The following ZUP1 variants were observed in gnomAD, a reference collection of about 807,000 sequenced individuals.
ZUP1 encodes zinc finger containing ubiquitin peptidase 1.
ZUP1 carries 55 observed loss-of-function variants against 68.1 expected under a neutral mutation model. The observed-to-expected ratio is 0.81, with a 90% CI of 0.65 to 1.01. ZUP1 has a LOEUF of 1.01. Among genes scored for constraint, ZUP1 ranks in the 50% least tolerant of loss-of-function variants. The pLI is 0.00. For synonymous variants in ZUP1, 223 were observed against 221.5 expected (o/e 1.01, Z -0.06); for missense variants, 684 against 674.9 (o/e 1.01, Z -0.15).
At chr6:116,658,079 G>T (rs1008332819) in intron 4 of ZUP1, among the ~76,000 whole-genome samples, 1 of 152,048 alleles carries the variant, frequency 6.6e-6, no homozygotes, top group Admixed American at 6.5e-5. Flanking sequence ...GGCGACAAGA[G>T]TGAAACTCCG....
At chr6:116,637,736 A>C (rs1775945132) in intron 9 of ZUP1, among the ~76,000 whole-genome samples, 1 of 152,220 alleles carries the variant, frequency 6.6e-6, no homozygotes, top group Non-Finnish European at 1.5e-5. Flanking sequence ...AAACAAACCT[A>C]ACTTTATCTA....
chr6:116,651,749 C>T lies in ZUP1; in HGVS notation c.1151-12G>A. 1.2e-6 allele frequency: 2 copies of T among 1,612,412 alleles called. No individual in the cohort carries two copies. Among genetic ancestry groups the T allele is most frequent in the Non-Finnish European group, 1.7e-6 (2 of 1,179,414 alleles). On this transcript the variant is annotated splice_polypyrimidine_tract_variant and intron_variant, in intron 6 of 9. Transcript: ENST00000368576. ...AGGAATCAACATACCTAAAATTACACAAGCAAACATGTTACATGACTGTTA... is the reference window on the plus strand; with the variant it reads ...AGGAATCAACATACCTAAAATTACATAAGCAAACATGTTACATGACTGTTA...
chr6:116,646,007 T>A (rs1776297868), intron 8 of ZUP1, 73 bp from the exon 9 acceptor site: 4 of 1,070,476 alleles, frequency 3.7e-6, no homozygotes, highest in Non-Finnish European at 2.7e-6. Flanking sequence ...TGTATGTATG[T>A]TGTGTGATCA....
chr6:116,644,572 A>G (rs1285103133), intron 9 of ZUP1, among the ~76,000 whole-genome samples: 1 of 151,996 alleles, frequency 6.6e-6, no homozygotes, highest in Non-Finnish European at 1.5e-5. Context: ...CATCATTCTC[A>G]GTAAACTATC....
chr6:116,666,119 A>G (rs919063575), intron 2 of ZUP1, among the ~76,000 whole-genome samples: 4 of 152,242 alleles, frequency 2.6e-5, no homozygotes, highest in African/African-American at 9.6e-5. Context: ...TAATCTGAAC[A>G]TAAACAACAG....
chr6:116,667,061 C>G lies in ZUP1; in HGVS notation c.132G>C (p.Met44Ile). ...AATGAGCTGTTTCGATATGAAAACA[C>G]ATTTCATCATAATTCACACCTGACA... ...CKLSGVNYDE[M>I]CFHIETAHFE... Residue 44 changes from methionine (M) to isoleucine (I), a missense_variant, in exon 2 of 10, where the codon ATG becomes ATC. Met to Ile is a conservative substitution (Grantham distance 10). Coordinates refer to ENST00000368576, the MANE Select transcript of ZUP1 (RefSeq NM_145062.3). 1.9e-6 allele frequency: 3 copies of G among 1,613,766 alleles called. No individual in the cohort carries two copies. The South Asian group carries it at 3.3e-5, about 18-fold the overall frequency.
intron 9 of ZUP1, among the ~76,000 whole-genome samples, chr6:116,643,717 CAT>C (rs1776196274): frequency 6.6e-6 from 1 of 152,182 alleles, no homozygotes; most frequent in Admixed American, 6.5e-5. Context: ...ACATGTTAGA[CAT>C]AAAACCATAA....
chr6:116,644,903 A>G (rs784137), intron 9 of ZUP1, among the ~76,000 whole-genome samples: 148,445 of 151,606 alleles, frequency 0.98, 72,694 homozygotes, highest in East Asian at 1. Context: ...GGAGGAGGTG[A>G]AAAGAAAAAA....
At position 116,658,089 on chromosome 6, in the gene ZUP1, G is replaced by A. The variant is rs756819181; in HGVS notation, c.792+714C>T. 1.9e-4 allele frequency among the ~76,000 whole-genome samples: 29 copies of A among 151,484 alleles called. 1 individual carries two copies. Among genetic ancestry groups the A allele is most frequent in the African/African-American group, 4.2e-4 (17 of 40,826 alleles). ...GCCTGGGCGACAAGAGTGAAACTCC[G>A]TCTCAAACAAACAAACAAACAACAA... On this transcript the variant is annotated intron_variant, in intron 4 of 9. Transcript: ENST00000368576.
chr6:116,659,902 A>T (rs1173609521), intron 3 of ZUP1, among the ~76,000 whole-genome samples: 1 of 152,114 alleles, frequency 6.6e-6, no homozygotes, highest in Non-Finnish European at 1.5e-5. Flanking sequence ...TCACCCTTCC[A>T]TTCTTGGGGA....
intron 4 of ZUP1, among the ~76,000 whole-genome samples, chr6:116,657,766 C>CAT (rs996802454): frequency 6.6e-6 from 1 of 152,122 alleles, no homozygotes; most frequent in African/African-American, 2.4e-5. Flanking sequence ...ATGCACTATC[C>CAT]TATCATCACT....
chr6:116,637,877 A>T (rs1775948889), intron 9 of ZUP1, among the ~76,000 whole-genome samples: 1 of 152,128 alleles, frequency 6.6e-6, no homozygotes, highest in Non-Finnish European at 1.5e-5. Flanking sequence ...AGCCTGGCTA[A>T]CATGGTGAAA....
chr6:116,645,631 G>T, intron 9 of ZUP1, 83 bp downstream of exon 9: 81 of 855,896 alleles, frequency 9.5e-5, no homozygotes, highest in Non-Finnish European at 1.4e-4. Flanking sequence ...AGAAAAAAGT[G>T]ATAACACTGA....
chr6:116,635,798 T>C lies in ZUP1; in HGVS notation c.*34A>G. 6.4e-7 allele frequency: 1 copy of C among 1,572,578 alleles called. No homozygotes were observed. The highest frequency in any genetic ancestry group is 8.6e-7 in the Non-Finnish European group (1 of 1,157,780). ...CTACATTTAGAAAACAAAGTATTGTTCTCAATCACTGAAATGCTTAAATGC... is the reference window on the plus strand; with the variant it reads ...CTACATTTAGAAAACAAAGTATTGTCCTCAATCACTGAAATGCTTAAATGC... On this transcript the variant is annotated 3_prime_UTR_variant, in exon 10 of 10. Coordinates refer to ENST00000368576, the MANE Select transcript of ZUP1 (RefSeq NM_145062.3).
intron 8 of ZUP1, 117 bp from the exon 9 acceptor site, chr6:116,646,051 C>T: frequency 1.5e-6 from 1 of 658,244 alleles, no homozygotes; most frequent in Non-Finnish European, 2.4e-6. Context: ...CAGTCAGACT[C>T]TGACACATAT....
chr6:116,647,365 C>A lies in ZUP1; in HGVS notation c.1468+94G>T. ...CAGAGTGAGATTCTGTCTAAAAAAA[C>A]AAACAAACAAACAAAAAACCTTAAC... On this transcript the variant is annotated intron_variant, in intron 8 of 9. Coordinates refer to ENST00000368576, the MANE Select transcript of ZUP1 (RefSeq NM_145062.3). 8.7e-6 allele frequency: 10 copies of A among 1,145,596 alleles called. No individual in the cohort carries two copies. In the Admixed American group the frequency reaches 2.1e-4, roughly 24 times the overall value. 71.0% of individuals were successfully genotyped at this position (1,145,596 alleles called of 1,614,324 possible). A position where few individuals can be genotyped will look rare whatever the true frequency, so the allele number is the denominator to read the frequency against.
At chr6:116,646,193 A>C in intron 8 of ZUP1, 1 of 293,956 alleles carries the variant, frequency 3.4e-6, no homozygotes. Context: ...TCCTTTCCCA[A>C]TCCTTTGATC....
At chr6:116,645,565 AGAGT>A in intron 9 of ZUP1, 145 bp downstream of exon 9, 1 of 615,442 alleles carries the variant, frequency 1.6e-6, no homozygotes, top group East Asian at 3.0e-5. Context: ...CCTGGTCAAC[AGAGT>A]GAGACCCTGT....
intron 6 of ZUP1, 91 bp from the exon 7 acceptor site, chr6:116,651,828 GT>G: frequency 6.7e-7 from 1 of 1,488,844 alleles, no homozygotes; most frequent in Non-Finnish European, 9.1e-7. Flanking sequence ...GAACTTTACG[GT>G]TTTTAAGACA....
Sources: allele counts gnomAD v4.1 joint callset (sites outside exome capture counted in the v4.1 genomes callset), GRCh38; gene constraint gnomAD v4.1.1; transcripts MANE v1.5; gene names NCBI Gene and HGNC (gene_info 2026-07-23, HGNC 2026-07-21).